Variants in CPNE4 observed in about 807,000 individuals in gnomAD.
CPNE4 encodes the protein copine 4, also known as copine-4.
CPNE4 carries 25 observed loss-of-function variants against 67.9 expected under a neutral mutation model. The observed-to-expected ratio is 0.37, with a 90% CI of 0.27 to 0.51. CPNE4 has a LOEUF of 0.51. Ranked by LOEUF, CPNE4 falls within the 20% of genes least tolerant of loss-of-function variation. The pLI is 0.93. For synonymous variants in CPNE4, 242 were observed against 244.9 expected (o/e 0.99, Z 0.11); for missense variants, 464 against 690.8 (o/e 0.67, Z 3.68).
chr3:131,700,010 A>AGGTAGAG, intron 3 of CPNE4, 30 bp from the exon 4 acceptor site: 1 of 1,538,012 alleles, frequency 6.5e-7, no homozygotes, highest in Non-Finnish European at 8.9e-7. Context: ...AGGTAACAAA[A>AGGTAGAG]GGTAGAGATA....
At chr3:131,862,962 G>A (rs1331785791) in intron 2 of CPNE4, among the ~76,000 whole-genome samples, 1 of 149,126 alleles carries the variant, frequency 6.7e-6, no homozygotes, top group African/African-American at 2.5e-5. Flanking sequence ...TGCGGTGTTT[G>A]GTTTTTTGTC....
chr3:131,963,888 G>T (rs2072259744), intron 1 of CPNE4, among the ~76,000 whole-genome samples: 1 of 152,204 alleles, frequency 6.6e-6, no homozygotes, highest in Non-Finnish European at 1.5e-5. Flanking sequence ...GGGACAGACT[G>T]CCTCCTTAAG....
intron 3 of CPNE4, among the ~76,000 whole-genome samples, chr3:131,702,484 A>C (rs764568350): frequency 6.6e-6 from 1 of 152,206 alleles, no homozygotes; most frequent in Non-Finnish European, 1.5e-5. Context: ...AGCCAGGACA[A>C]CATCTGACTA....
At chr3:131,632,072 C>T (rs1034076686) in intron 7 of CPNE4, among the ~76,000 whole-genome samples, 5 of 151,078 alleles carry the variant, frequency 3.3e-5, no homozygotes, top group African/African-American at 1.2e-4. Context: ...CCACTGCGCA[C>T]GATCTTGGCT....
chr3:131,572,748 G>A (rs1336808551), intron 10 of CPNE4, among the ~76,000 whole-genome samples: 1 of 152,032 alleles, frequency 6.6e-6, no homozygotes, highest in African/African-American at 2.4e-5. Context: ...GTCACATAAT[G>A]TGCCAATGGG....
intron 7 of CPNE4, among the ~76,000 whole-genome samples, chr3:131,640,487 C>T (rs1470110221): frequency 6.6e-6 from 1 of 152,072 alleles, no homozygotes; most frequent in Non-Finnish European, 1.5e-5. Flanking sequence ...GCAAGGGAAA[C>T]TACAAAACAC....
chr3:131,893,599 A>C (rs1229203780), intron 2 of CPNE4, among the ~76,000 whole-genome samples: 1 of 151,952 alleles, frequency 6.6e-6, no homozygotes, highest in East Asian at 1.9e-4. Flanking sequence ...TTAAGCATAT[A>C]AAGATCACAT....
At chr3:131,662,451 C>A (rs2080150377) in intron 7 of CPNE4, among the ~76,000 whole-genome samples, 1 of 152,122 alleles carries the variant, frequency 6.6e-6, no homozygotes, top group Admixed American at 6.6e-5. Context: ...ATACACTCAG[C>A]CTCACAGTAA....
At chr3:131,628,634 A>G (rs1000770595) in intron 7 of CPNE4, among the ~76,000 whole-genome samples, 34 of 152,296 alleles carry the variant, frequency 2.2e-4, no homozygotes, top group South Asian at 6.2e-4. Flanking sequence ...GGGAGGGTGT[A>G]TGTGTCCAGG....
At chr3:131,708,993 T>TATATATATATATAC (rs1440194300) in intron 3 of CPNE4, among the ~76,000 whole-genome samples, 9 of 104,914 alleles carry the variant, frequency 8.6e-5, no homozygotes, top group South Asian at 2.9e-4. Flanking sequence ...TATATATATA[T>TATATATATATATAC]ATACATACAC....
intron 7 of CPNE4, among the ~76,000 whole-genome samples, chr3:131,619,112 T>C (rs1304626096): frequency 4.6e-5 from 7 of 152,012 alleles, no homozygotes; most frequent in Admixed American, 3.3e-4. Context: ...TGATTGTAGG[T>C]AAAATAGGGA....
At chr3:131,744,247 T>C (rs1398360451) in intron 2 of CPNE4, among the ~76,000 whole-genome samples, 1 of 152,022 alleles carries the variant, frequency 6.6e-6, no homozygotes. Flanking sequence ...ATAAAAAATA[T>C]AGAAATTTAT....
intron 1 of CPNE4, among the ~76,000 whole-genome samples, chr3:132,018,214 G>T (rs994818984): frequency 6.6e-6 from 1 of 152,170 alleles, no homozygotes; most frequent in African/African-American, 2.4e-5. Context: ...AGACCAAGAA[G>T]GAGTTCTTGA....
chr3:131,673,096 A>G (rs183111152), intron 6 of CPNE4, among the ~76,000 whole-genome samples: 8 of 152,044 alleles, frequency 5.3e-5, no homozygotes, highest in Non-Finnish European at 8.8e-5. Context: ...TCAAGAGACT[A>G]TCCTTTCCAT....
intron 2 of CPNE4, among the ~76,000 whole-genome samples, chr3:131,824,187 G>A (rs2085067286): frequency 6.6e-6 from 1 of 150,868 alleles, no homozygotes; most frequent in Non-Finnish European, 1.5e-5. Context: ...AATAAAGAAA[G>A]GTGTGAGAAG....
intron 2 of CPNE4, among the ~76,000 whole-genome samples, chr3:131,809,558 C>T (rs767969822): frequency 6.6e-6 from 1 of 151,908 alleles, no homozygotes; most frequent in Non-Finnish European, 1.5e-5. Flanking sequence ...AAAGTGAGGT[C>T]AAAATATGAA....
At chr3:131,652,044 C>T (rs1455908200) in intron 7 of CPNE4, among the ~76,000 whole-genome samples, 1 of 152,108 alleles carries the variant, frequency 6.6e-6, no homozygotes, top group African/African-American at 2.4e-5. Flanking sequence ...TTGAGGATTG[C>T]TGTTATCATT....
intron 5 of CPNE4, among the ~76,000 whole-genome samples, chr3:131,691,786 C>T (rs374355694): frequency 6.6e-6 from 1 of 151,916 alleles, no homozygotes; most frequent in African/African-American, 2.4e-5. Context: ...AAAAACTGTA[C>T]AAATATCAGG....
chr3:131,646,725 A>G (rs2079675810), intron 7 of CPNE4, among the ~76,000 whole-genome samples: 1 of 152,214 alleles, frequency 6.6e-6, no homozygotes, highest in Admixed American at 6.5e-5. Flanking sequence ...CACCTACTAT[A>G]TAGCCACAAA....
Sources: gnomAD v4.1 joint callset for allele counts (sites outside exome capture counted in the v4.1 genomes callset) on GRCh38, gnomAD v4.1.1 for gene constraint, MANE v1.5 for transcripts, NCBI Gene and HGNC (gene_info 2026-07-23, HGNC 2026-07-21) for gene names.